The following SDK1 variants were observed in gnomAD, a reference collection of about 807,000 sequenced individuals.
SDK1 encodes the protein sidekick cell adhesion molecule 1, also known as protein sidekick-1.
SDK1 carries 157 observed loss-of-function variants against 245.5 expected under a neutral mutation model. The ratio of observed to expected loss-of-function variants is 0.64; its 90% confidence interval spans 0.56 to 0.73. The LOEUF is 0.73. SDK1 is among the 30% of genes least tolerant of loss of function. SDK1 has a pLI of 0.00. For synonymous variants in SDK1, 1,647 were observed against 1,278.5 expected (o/e 1.29, Z -6.15); for missense variants, 3,583 against 3,002.3 (o/e 1.19, Z -4.52).
In SDK1 at chr7:3,314,841, GCT is replaced by G. The variant is rs1319224065; in HGVS notation, c.298+12960_298+12961del. Among the ~76,000 whole-genome samples, 4 of 151,990 alleles carry G rather than the reference GCT, an allele frequency of 2.6e-5. No homozygotes were observed. The East Asian group carries it at 7.7e-4, about 29-fold the overall frequency. On this transcript the variant is annotated intron_variant, in intron 1 of 44. Transcript: ENST00000404826. The stretch of plus-strand genomic sequence containing the variant: ...CCACAATTGCTTTACTTCAAAAATT[GCT>G]CTTTCTTGGGTGAATAACGTGAATT...
chr7:3,929,816 A>G (rs146830022), intron 5 of SDK1, among the ~76,000 whole-genome samples: 108 of 151,960 alleles, frequency 7.1e-4, no homozygotes, highest in South Asian at 2.1e-3. Context: ...AGAAAGGAAT[A>G]CCTGAGGCTG....
intron 16 of SDK1, among the ~76,000 whole-genome samples, chr7:4,015,983 C>T (rs1786367829): frequency 1.3e-5 from 2 of 152,190 alleles, no homozygotes; most frequent in Admixed American, 1.3e-4. Context: ...ATTTTCAAGC[C>T]CTCCTTCTCT....
chr7:3,639,108 C>A lies in SDK1; in HGVS notation c.563C>A (p.Ala188Glu). 2 of 1,580,778 alleles carry A rather than the reference C, an allele frequency of 1.3e-6. No individual in the cohort carries two copies. Among genetic ancestry groups the A allele is most frequent in the Non-Finnish European group, 1.7e-6 (2 of 1,153,680 alleles). Residue 188 changes from alanine (A) to glutamate (E), a missense_variant and splice_region_variant, in exon 3 of 45, where the codon GCA becomes GAA. Coordinates refer to ENST00000404826, the MANE Select transcript of SDK1 (RefSeq NM_152744.4). ...CAAAGAAAATCAGAAGTTCAAGTCG[C>A]ATGTATGTGTACAGTAAGGAGATGT... The part of the protein sequence containing the change: ...LLQRKSEVQV[A>E]YMGSFMDTDQ...
intron 1 of SDK1, among the ~76,000 whole-genome samples, chr7:3,529,763 A>C (rs1185650623): frequency 6.6e-6 from 1 of 152,206 alleles, no homozygotes. Context: ...TATTAATTAC[A>C]GAGGGAGAGC....
intron 19 of SDK1, among the ~76,000 whole-genome samples, chr7:4,061,049 G>A (rs924651313): frequency 6.6e-6 from 1 of 152,218 alleles, no homozygotes; most frequent in East Asian, 1.9e-4. Flanking sequence ...CTGGAGCCTT[G>A]TAGTATAGTT....
At chr7:3,652,145 G>C (rs1371021944) in intron 4 of SDK1, among the ~76,000 whole-genome samples, 2 of 152,208 alleles carry the variant, frequency 1.3e-5, no homozygotes, top group Non-Finnish European at 2.9e-5. Context: ...GAGACAGCAA[G>C]TTGAGACAAC....
At chr7:4,040,268 C>T (rs1438425719) in intron 17 of SDK1, among the ~76,000 whole-genome samples, 1 of 152,162 alleles carries the variant, frequency 6.6e-6, no homozygotes, top group Non-Finnish European at 1.5e-5. Context: ...CCAGTCCCTG[C>T]TCCTCTGCCT....
At chr7:3,689,336 G>C (rs1388642045) in intron 4 of SDK1, among the ~76,000 whole-genome samples, 3 of 152,096 alleles carry the variant, frequency 2.0e-5, no homozygotes, top group Non-Finnish European at 4.4e-5. Context: ...GTTCCTGTTG[G>C]ATTGTGTGCA....
chr7:4,129,705 C>T, intron 26 of SDK1: 1 of 1,415,842 alleles, frequency 7.1e-7, no homozygotes, highest in South Asian at 1.5e-5. Context: ...TCAAGCTCCC[C>T]TGGAGCGCAG....
At chr7:3,499,317 G>C (rs1486338920) in intron 1 of SDK1, among the ~76,000 whole-genome samples, 1 of 151,924 alleles carries the variant, frequency 6.6e-6, no homozygotes, top group East Asian at 1.9e-4. Flanking sequence ...TATTAAAATA[G>C]AATTTATTAA....
Position 3,415,339 on chromosome 7 carries a change from G to T in SDK1, c.298+113455G>T, listed in dbSNP as rs1779331049. Among the ~76,000 whole-genome samples the T allele has an allele frequency of 2.0e-5, 3 of 152,124 alleles. No homozygotes were observed. In the South Asian group the frequency reaches 6.2e-4, roughly 32 times the overall value. On this transcript the variant is annotated intron_variant, in intron 1 of 44. Transcript: ENST00000404826. The stretch of plus-strand genomic sequence containing the variant: ...AAACAAAACGTGTAATACTTATATA[G>T]TGGAAGAGTGTATTGCAGGTGTATG...
intron 1 of SDK1, among the ~76,000 whole-genome samples, chr7:3,410,237 C>T (rs1017616186): frequency 6.6e-6 from 1 of 152,078 alleles, no homozygotes; most frequent in Non-Finnish European, 1.5e-5. Context: ...AAATTCTACA[C>T]CTGACCTCAT....
At position 3,581,268 on chromosome 7, in the gene SDK1, T is replaced by C. The variant is rs78483520; in HGVS notation, c.299-37812T>C. Among the ~76,000 whole-genome samples the C allele has an allele frequency of 4.0e-3, 614 of 152,236 alleles. 7 individuals are homozygous for C. The highest frequency in any genetic ancestry group is 0.014 in the African/African-American group (582 of 41,530). ...AACTTAAATTTACAAAAAAAACCTA[T>C]TAATCGAATATGATAAATCAGTGCT... On this transcript the variant is annotated intron_variant, in intron 1 of 44. Coordinates refer to ENST00000404826, the MANE Select transcript of SDK1 (RefSeq NM_152744.4).
chr7:4,063,912 G>A (rs1418760505), intron 19 of SDK1, among the ~76,000 whole-genome samples: 7 of 151,928 alleles, frequency 4.6e-5, no homozygotes, highest in Non-Finnish European at 5.9e-5. Context: ...GCAGAAGATC[G>A]AAATTAAAAA....
rs186670227 is a variant in SDK1 at position 3,527,767 on chromosome 7, G to T, written c.299-91313G>T. Among the ~76,000 whole-genome samples, 355 of 147,306 alleles carry T rather than the reference G, an allele frequency of 2.4e-3. 2 individuals are homozygous for T. The highest frequency in any genetic ancestry group is 0.017 in the South Asian group (78 of 4,494). ...GGATGATAGCTAGGGGGTGAGTAGT[G>T]GTAGGTGAGGTTGGATCATAGCCAG... On this transcript the variant is annotated intron_variant, in intron 1 of 44. Coordinates refer to ENST00000404826, the MANE Select transcript of SDK1 (RefSeq NM_152744.4).
chr7:3,684,001 A>G (rs1426853392), intron 4 of SDK1, among the ~76,000 whole-genome samples: 2 of 152,178 alleles, frequency 1.3e-5, no homozygotes, highest in African/African-American at 4.8e-5. Context: ...TTCAGCGGGC[A>G]GAATGAAAGG....
rs149222338 is a variant in SDK1, at chr7:3,561,187, C to G, written c.299-57893C>G. Reference sequence around the variant, plus strand: ...CAGGAAATCTTTGCTTCATCCTGATCTGTCTCCACAGTTCTATTAGAATCC... The same window carrying G: ...CAGGAAATCTTTGCTTCATCCTGATGTGTCTCCACAGTTCTATTAGAATCC... On this transcript the variant is annotated intron_variant, in intron 1 of 44. Transcript: ENST00000404826. 3.9e-5 allele frequency among the ~76,000 whole-genome samples: 6 copies of G among 152,320 alleles called. No individual in the cohort carries two copies. The East Asian group carries it at 1.2e-3, about 29-fold the overall frequency.
chr7:3,544,669 G>T (rs1004965449), intron 1 of SDK1, among the ~76,000 whole-genome samples: 1 of 152,156 alleles, frequency 6.6e-6, no homozygotes, highest in Non-Finnish European at 1.5e-5. Flanking sequence ...TTTTGTGATC[G>T]CATTCTGAAA....
chr7:3,462,557 G>GGAGGA, intron 1 of SDK1, among the ~76,000 whole-genome samples: 1 of 152,100 alleles, frequency 6.6e-6, no homozygotes, highest in Non-Finnish European at 1.5e-5. Context: ...CTGTTAACTT[G>GGAGGA]ATATTTCTAC....
Sources: gnomAD v4.1 joint callset for allele counts (sites outside exome capture counted in the v4.1 genomes callset) on GRCh38, gnomAD v4.1.1 for gene constraint, MANE v1.5 for transcripts, NCBI Gene and HGNC (gene_info 2026-07-23, HGNC 2026-07-21) for gene names.